ROBO2: variants seen among roughly 807,000 people sequenced by gnomAD.
ROBO2 encodes roundabout homolog 2.
A neutral mutation model predicts 160.8 loss-of-function variants in ROBO2; 53 were observed. That is an observed-to-expected ratio of 0.33 (90% CI 0.26 to 0.41). The LOEUF (loss-of-function observed/expected upper bound fraction) is 0.41. Ranked by LOEUF, ROBO2 falls within the 10% of genes least tolerant of loss-of-function variation. The pLI is 1.00. For synonymous variants in ROBO2, 664 were observed against 611.7 expected (o/e 1.09, Z -1.26); for missense variants, 1,577 against 1,722.4 (o/e 0.92, Z 1.49).
intron 17 of ROBO2, among the ~76,000 whole-genome samples, chr3:77,592,483 C>T (rs2094202969): frequency 1.3e-5 from 2 of 152,168 alleles, no homozygotes; most frequent in Non-Finnish European, 2.9e-5. Flanking sequence ...GCCATACATA[C>T]TATAGTGTTC....
intron 2 of ROBO2, among the ~76,000 whole-genome samples, chr3:77,411,191 T>G (rs914526457): frequency 2.0e-5 from 3 of 152,170 alleles, no homozygotes; most frequent in Non-Finnish European, 4.4e-5. Flanking sequence ...TTGCCCATTC[T>G]TCACTGTCTG....
In ROBO2 at chr3:77,511,083, G is replaced by A. The variant is rs569357871; in HGVS notation, c.807-11692G>A. ...TGTGAGGGGTTATTTTAGAGGAGAT[G>A]AAACTCATTTCAGAGGAAATGAAAT... On this transcript the variant is annotated intron_variant, in intron 5 of 25. Coordinates refer to ENST00000461745, the Ensembl canonical transcript of ROBO2. Among the ~76,000 whole-genome samples the A allele has an allele frequency of 3.3e-5, 5 of 151,974 alleles. No individual in the cohort carries two copies. The South Asian group carries it at 8.3e-4, about 25-fold the overall frequency.
At chr3:77,271,679 A>G (rs2059500413) in intron 2 of ROBO2, among the ~76,000 whole-genome samples, 1 of 152,246 alleles carries the variant, frequency 6.6e-6, no homozygotes, top group African/African-American at 2.4e-5. Context: ...ATCAAAAGTG[A>G]GAAAATTCAA....
chr3:76,173,079 C>G (rs1018340791), intron 2 of ROBO2, among the ~76,000 whole-genome samples: 2 of 151,314 alleles, frequency 1.3e-5, no homozygotes, highest in Non-Finnish European at 2.9e-5. Context: ...AGGTGATGGG[C>G]ATTACAGTAG....
At chr3:77,283,183 A>G (rs1442223863) in intron 2 of ROBO2, among the ~76,000 whole-genome samples, 1 of 152,154 alleles carries the variant, frequency 6.6e-6, no homozygotes, top group Non-Finnish European at 1.5e-5. Context: ...AGGGAAATGA[A>G]GATGCATGAA....
At chr3:76,826,054 T>G (rs1309797563) in intron 2 of ROBO2, among the ~76,000 whole-genome samples, 4 of 84,716 alleles carry the variant, frequency 4.7e-5, no homozygotes, top group Non-Finnish European at 5.1e-5. Context: ...AGTTTGTGGG[T>G]TTTTTTTTTT....
At chr3:77,161,200 A>C (rs2078457787) in intron 2 of ROBO2, among the ~76,000 whole-genome samples, 1 of 152,208 alleles carries the variant, frequency 6.6e-6, no homozygotes, top group Non-Finnish European at 1.5e-5. Flanking sequence ...TGAGAAAAAC[A>C]CATTATGACC....
intron 6 of ROBO2, among the ~76,000 whole-genome samples, chr3:77,543,438 C>T (rs918161629): frequency 3.9e-5 from 6 of 152,096 alleles, no homozygotes; most frequent in Admixed American, 6.6e-5. Context: ...TGCATAGATG[C>T]GGTCATTTGC....
chr3:77,265,495 A>T (rs1451659661), intron 2 of ROBO2, among the ~76,000 whole-genome samples: 1 of 152,168 alleles, frequency 6.6e-6, no homozygotes, highest in Non-Finnish European at 1.5e-5. Context: ...ATATGAAAAA[A>T]TACACTTGCA....
chr3:77,510,417 C>T (rs1229277932), intron 5 of ROBO2, among the ~76,000 whole-genome samples: 1 of 151,844 alleles, frequency 6.6e-6, no homozygotes, highest in African/African-American at 2.4e-5. Context: ...AAGACACAAC[C>T]AAGATTATGG....
chr3:76,975,551 C>T (rs1399897015), intron 2 of ROBO2, among the ~76,000 whole-genome samples: 1 of 152,118 alleles, frequency 6.6e-6, no homozygotes, highest in Non-Finnish European at 1.5e-5. Context: ...TTTTTAGCAT[C>T]TTTGTGTCCG....
At chr3:77,512,724 T>C (rs1463295738) in intron 5 of ROBO2, among the ~76,000 whole-genome samples, 1 of 151,958 alleles carries the variant, frequency 6.6e-6, no homozygotes, top group Admixed American at 6.6e-5. Context: ...GACCTTTACT[T>C]TCTGAAAGAG....
chr3:77,412,916 TA>T (rs935483853), intron 2 of ROBO2, among the ~76,000 whole-genome samples: 1 of 152,120 alleles, frequency 6.6e-6, no homozygotes, highest in African/African-American at 2.4e-5. Context: ...TCATTTATTT[TA>T]AAAAAATACT....
At chr3:77,249,973 G>A (rs565208778) in intron 2 of ROBO2, among the ~76,000 whole-genome samples, 2 of 151,556 alleles carry the variant, frequency 1.3e-5, no homozygotes, top group African/African-American at 4.8e-5. Flanking sequence ...AGCATCCAAA[G>A]TAATTTTTTT....
At chr3:77,366,794 A>AGT (rs1176998371) in intron 2 of ROBO2, among the ~76,000 whole-genome samples, 8 of 151,918 alleles carry the variant, frequency 5.3e-5, no homozygotes, top group Non-Finnish European at 1.2e-4. Context: ...ACAGAGAGAG[A>AGT]GATACAGAGA....
chr3:77,136,474 A>G (rs905560159), intron 2 of ROBO2, among the ~76,000 whole-genome samples: 3 of 142,064 alleles, frequency 2.1e-5, no homozygotes, highest in Admixed American at 7.6e-5. Context: ...AGGGCATAAA[A>G]TATGCTTTTT....
intron 2 of ROBO2, among the ~76,000 whole-genome samples, chr3:76,739,637 A>T (rs1408084509): frequency 2.6e-5 from 4 of 152,150 alleles, no homozygotes; most frequent in African/African-American, 9.7e-5. Context: ...TTAAAAAAAA[A>T]AGTGTAGTTT....
At chr3:76,027,692 A>G (rs1257957618) in intron 2 of ROBO2, among the ~76,000 whole-genome samples, 1 of 151,996 alleles carries the variant, frequency 6.6e-6, no homozygotes, top group Non-Finnish European at 1.5e-5. Context: ...AAAGCTAAAG[A>G]GAGATTTAAA....
chr3:77,307,540 T>C (rs941740772), intron 2 of ROBO2, among the ~76,000 whole-genome samples: 6 of 152,148 alleles, frequency 3.9e-5, no homozygotes, highest in African/African-American at 1.2e-4. Flanking sequence ...TGCTGGCTTC[T>C]TCACGAAGGC....
Sources: gnomAD v4.1 joint callset for allele counts (sites outside exome capture counted in the v4.1 genomes callset) on GRCh38, gnomAD v4.1.1 for gene constraint, MANE v1.5 for transcripts, NCBI Gene and HGNC (gene_info 2026-07-23, HGNC 2026-07-21) for gene names.